GOLPH3L: variants seen among roughly 807,000 people sequenced by gnomAD.
GOLPH3L encodes golgi phosphoprotein 3 like.
A neutral mutation model predicts 30.3 loss-of-function variants in GOLPH3L; 22 were observed. The observed-to-expected ratio is 0.73, with a 90% CI of 0.52 to 1.04. The LOEUF (loss-of-function observed/expected upper bound fraction) is 1.04, where lower values mean the gene tolerates loss of function less well. Ranked by LOEUF, GOLPH3L falls within the 50% of genes least tolerant of loss-of-function variation. GOLPH3L has a pLI of 0.00. For missense variants in GOLPH3L, 303 were observed against 345.8 expected (o/e 0.88, Z 0.98); for synonymous variants, 120 against 128.2 (o/e 0.94, Z 0.43).
chr1:150,684,548 T>A (rs587752539), intron 2 of GOLPH3L, among the ~76,000 whole-genome samples: 1 of 152,306 alleles, frequency 6.6e-6, no homozygotes, highest in Non-Finnish European at 1.5e-5. Context: ...CTCTTTTTAG[T>A]ATAATAGTGT....
intron 2 of GOLPH3L, among the ~76,000 whole-genome samples, chr1:150,690,349 A>T (rs939347014): frequency 6.6e-6 from 1 of 152,174 alleles, no homozygotes; most frequent in Non-Finnish European, 1.5e-5. Context: ...GGAACTCTCC[A>T]GTAAAAGTTT....
chr1:150,683,447 A>G (rs1651007883), intron 2 of GOLPH3L, among the ~76,000 whole-genome samples: 1 of 149,632 alleles, frequency 6.7e-6, no homozygotes, highest in Non-Finnish European at 1.5e-5. Context: ...GAGGCAGGAG[A>G]ATGGCGTGAA....
At chr1:150,671,801 C>T (rs1223756423) in intron 2 of GOLPH3L, among the ~76,000 whole-genome samples, 1 of 101,250 alleles carries the variant, frequency 9.9e-6, no homozygotes, top group East Asian at 3.0e-4. Context: ...AGCAAAACTC[C>T]GTCTCAAAAA....
At chr1:150,676,417 A>G (rs1033487103) in intron 2 of GOLPH3L, among the ~76,000 whole-genome samples, 2 of 152,064 alleles carry the variant, frequency 1.3e-5, no homozygotes, top group African/African-American at 2.4e-5. Flanking sequence ...TCCAGCTACT[A>G]TATAATTTCA....
chr1:150,660,553 T>A (rs2101786578), intron 4 of GOLPH3L, among the ~76,000 whole-genome samples: 1 of 152,298 alleles, frequency 6.6e-6, no homozygotes, highest in East Asian at 1.9e-4. Flanking sequence ...AACAGATGAA[T>A]GGTTAAACGA....
chr1:150,651,316 A>G (rs1650098816), intron 4 of GOLPH3L, among the ~76,000 whole-genome samples: 1 of 152,112 alleles, frequency 6.6e-6, no homozygotes, highest in Admixed American at 6.6e-5. Flanking sequence ...CCATCTCAAA[A>G]AAACAAAAAC....
At position 150,648,241 on chromosome 1, in the gene GOLPH3L, T is replaced by C. The variant is rs1571029546; in HGVS notation, c.*80A>G. 1.0e-6 allele frequency: 1 copy of C among 995,070 alleles called. No homozygotes were observed. The highest frequency in any genetic ancestry group is 2.4e-5 in the East Asian group (1 of 41,186). The allele number at this position is 995,070 out of a possible 1,614,324, so 61.6% of individuals were successfully genotyped here. ...AAAGGAAACAAAAATGATGAAAACA[T>C]CTCATCACACAAAACTCAGTGATGG... is the stretch of plus-strand genomic sequence containing the variant. On this transcript the variant is annotated 3_prime_UTR_variant, in exon 5 of 5. Coordinates refer to ENST00000271732, the MANE Select transcript of GOLPH3L (RefSeq NM_018178.6).
chr1:150,664,826 T>A (rs1650457123), intron 2 of GOLPH3L, among the ~76,000 whole-genome samples: 1 of 152,192 alleles, frequency 6.6e-6, no homozygotes, highest in African/African-American at 2.4e-5. Flanking sequence ...TTACTTAAAC[T>A]TTCTGAAGTA....
intron 2 of GOLPH3L, among the ~76,000 whole-genome samples, chr1:150,669,683 C>T (rs11204689): frequency 0.074 from 11,282 of 152,178 alleles, 589 homozygotes; most frequent in East Asian, 0.19. Context: ...ATCTGTAGGC[C>T]GGGCGCGGTG....
intron 2 of GOLPH3L, among the ~76,000 whole-genome samples, chr1:150,675,040 G>C (rs893728242): frequency 2.0e-5 from 3 of 151,948 alleles, no homozygotes; most frequent in Admixed American, 1.3e-4. Context: ...ACCACGTCTG[G>C]CTAATTAAAA....
At chr1:150,673,931 A>G (rs912462932) in intron 2 of GOLPH3L, among the ~76,000 whole-genome samples, 1 of 151,606 alleles carries the variant, frequency 6.6e-6, no homozygotes, top group African/African-American at 2.4e-5. Flanking sequence ...ATCTCCAAAA[A>G]AAAAAAAAAA....
rs587673284 is a variant in GOLPH3L at position 150,690,045 on chromosome 1, G to A, written c.183+4611C>T. 3.3e-5 allele frequency among the ~76,000 whole-genome samples: 5 copies of A among 152,024 alleles called. No individual in the cohort carries two copies. The East Asian group carries it at 9.6e-4, about 29-fold the overall frequency. On this transcript the variant is annotated intron_variant, in intron 2 of 4. Transcript: ENST00000271732. ...TCTGTCACCCAGGTTGGAGTACAGT[G>A]GCACAAACACAGCTCACTCCAGCCT...
In GOLPH3L at chr1:150,675,991, T is replaced by C. The variant is rs144497175; in HGVS notation, c.184-12228A>G. ...CCCTCCCTTCCTTTTTTTTTTTGTG[T>C]CTCCCTTTGTCACTCAACCAGGCTG... On this transcript the variant is annotated intron_variant, in intron 2 of 4. Transcript: ENST00000271732. Among the ~76,000 whole-genome samples, 1,163 of 149,020 alleles carry C rather than the reference T, an allele frequency of 7.8e-3. 9 individuals carry two copies. The highest frequency in any genetic ancestry group is 0.011 in the Non-Finnish European group (713 of 67,264).
chr1:150,680,154 A>G (rs1650916445), intron 2 of GOLPH3L, among the ~76,000 whole-genome samples: 1 of 152,132 alleles, frequency 6.6e-6, no homozygotes, highest in South Asian at 2.1e-4. Context: ...AAAAATGGGA[A>G]TGGAAAGGAG....
intron 2 of GOLPH3L, among the ~76,000 whole-genome samples, chr1:150,689,134 A>G (rs1270337535): frequency 6.6e-6 from 1 of 152,222 alleles, no homozygotes; most frequent in Non-Finnish European, 1.5e-5. Context: ...TTTTTACCAC[A>G]GTGACATGAG....
At chr1:150,665,755 G>A (rs1571041278) in intron 2 of GOLPH3L, among the ~76,000 whole-genome samples, 2 of 151,790 alleles carry the variant, frequency 1.3e-5, no homozygotes, top group South Asian at 2.1e-4. Context: ...AGGTGCTTAC[G>A]AATTTCTTTG....
intron 2 of GOLPH3L, among the ~76,000 whole-genome samples, chr1:150,676,862 T>C (rs1650791972): frequency 1.3e-5 from 2 of 152,022 alleles, no homozygotes; most frequent in African/African-American, 2.4e-5. Flanking sequence ...CAGGGTGGTC[T>C]TGAACTCCTG....
chr1:150,660,603 A>G (rs4970924), intron 4 of GOLPH3L, among the ~76,000 whole-genome samples: 59,518 of 152,080 alleles, frequency 0.39, 13,327 homozygotes, highest in Non-Finnish European at 0.5. Flanking sequence ...CTCAGCCATA[A>G]ACAGGAATGA....
intron 2 of GOLPH3L, among the ~76,000 whole-genome samples, chr1:150,673,359 C>T (rs1650688148): frequency 6.6e-6 from 1 of 151,694 alleles, no homozygotes; most frequent in Admixed American, 6.6e-5. Flanking sequence ...GTTAGGAGTT[C>T]GAGACCAGGG....
Sources: allele counts gnomAD v4.1 joint callset (sites outside exome capture counted in the v4.1 genomes callset), GRCh38; gene constraint gnomAD v4.1.1; transcripts MANE v1.5; gene names NCBI Gene and HGNC (gene_info 2026-07-23, HGNC 2026-07-21).